The following EIF2AK1 variants were observed in gnomAD, a reference collection of about 807,000 sequenced individuals.
EIF2AK1 encodes eukaryotic translation initiation factor 2-alpha kinase 1.
EIF2AK1 carries 54 observed loss-of-function variants against 77.9 expected under a neutral mutation model. That is an observed-to-expected ratio of 0.69 (90% CI 0.56 to 0.87). The LOEUF (loss-of-function observed/expected upper bound fraction) is 0.87. Ranked by LOEUF, EIF2AK1 falls within the 40% of genes least tolerant of loss-of-function variation. The pLI is 0.00. For synonymous variants in EIF2AK1, 314 were observed against 290.5 expected (o/e 1.08, Z -0.82); for missense variants, 810 against 768.6 (o/e 1.05, Z -0.64).
chr7:6,058,951 G>C lies in EIF2AK1; in HGVS notation c.118+15C>G, dbSNP rs1018113666. The C allele has an allele frequency of 6.6e-7, 1 of 1,514,414 alleles. No individual in the cohort carries two copies. Among genetic ancestry groups the C allele is most frequent in the African/African-American group, 1.4e-5 (1 of 69,228 alleles). The allele number at this position is 1,514,414 out of a possible 1,614,324, so 93.8% of individuals were successfully genotyped here. ...AGAGAGAGCAGAGCGGCGACGCCGC[G>C]ATCCGATCCCTCACCGTCATATTCG... On this transcript the variant is annotated intron_variant, in intron 1 of 14. Coordinates refer to ENST00000199389, the MANE Select transcript of EIF2AK1 (RefSeq NM_014413.4).
chr7:6,049,617 C>T (rs1788546956), intron 3 of EIF2AK1, among the ~76,000 whole-genome samples: 2 of 147,162 alleles, frequency 1.4e-5, no homozygotes, highest in African/African-American at 2.5e-5. Flanking sequence ...CTCTCCTTTG[C>T]CTCTCCTCTC....
intron 2 of EIF2AK1, among the ~76,000 whole-genome samples, chr7:6,053,173 A>G (rs750704987): frequency 3.9e-5 from 6 of 152,134 alleles, no homozygotes; most frequent in Non-Finnish European, 8.8e-5. Context: ...CACAGCATTA[A>G]ACAACATATT....
intron 8 of EIF2AK1, 43 bp downstream of exon 8, chr7:6,042,890 G>A: frequency 1.3e-6 from 2 of 1,539,000 alleles, no homozygotes; most frequent in Non-Finnish European, 1.8e-6. Context: ...AAAGCCCAAT[G>A]CAGGTGACAA....
At chr7:6,049,869 A>C in intron 3 of EIF2AK1, 43 bp downstream of exon 3, 3 of 1,527,396 alleles carry the variant, frequency 2.0e-6, no homozygotes, top group Non-Finnish European at 2.7e-6. Context: ...TTAAAATTAA[A>C]GTATATTTTT....
At chr7:6,044,149 T>TAGAA (rs1583490975) in intron 7 of EIF2AK1, among the ~76,000 whole-genome samples, 1 of 151,846 alleles carries the variant, frequency 6.6e-6, no homozygotes, top group East Asian at 1.9e-4. Context: ...CAAAATCTTC[T>TAGAA]GATTTTGTTT....
intron 7 of EIF2AK1, 105 bp downstream of exon 7, chr7:6,044,457 C>G: frequency 1.1e-6 from 1 of 888,426 alleles, no homozygotes; most frequent in Non-Finnish European, 1.7e-6. Flanking sequence ...TATGTAAAAA[C>G]CATTCTCAGC....
chr7:6,052,291 A>C (rs898029194), intron 2 of EIF2AK1, among the ~76,000 whole-genome samples: 5 of 151,998 alleles, frequency 3.3e-5, no homozygotes, highest in Admixed American at 2.0e-4. Flanking sequence ...GTATTTTTCT[A>C]ATCTGCTTCT....
Position 6,043,193 on chromosome 7 carries a change from G to C in EIF2AK1, c.731-200C>G, listed in dbSNP as rs1409148707. On this transcript the variant is annotated intron_variant, in intron 7 of 14. Coordinates refer to ENST00000199389, the MANE Select transcript of EIF2AK1 (RefSeq NM_014413.4). Reference sequence around the variant, plus strand: ...AACAAAGCCATGCAACTATACGAGGGGTCAGCAAACAGCACAGAGGACTTG... The same window carrying C: ...AACAAAGCCATGCAACTATACGAGGCGTCAGCAAACAGCACAGAGGACTTG... Among the ~76,000 whole-genome samples the C allele has an allele frequency of 7.2e-5, 11 of 152,202 alleles. No homozygotes were observed. The East Asian group carries it at 2.1e-3, about 29-fold the overall frequency.
Position 6,058,982 on chromosome 7 carries a change from C to T in EIF2AK1, c.102G>A (p.Pro34=). Residue 34 remains proline (P), a synonymous_variant, in exon 1 of 15, where the codon CCG becomes CCA. Transcript: ENST00000199389. ...PPAIDFPAEG[P]DPEYDESDVP... is the part of the protein sequence containing the mutation. ...ATCCCTCACCGTCATATTCGGGGTC[C>T]GGGCCCTCGGCGGGAAAGTCGATGG... 6.5e-7 allele frequency: 1 copy of T among 1,540,476 alleles called. No individual in the cohort carries two copies. The highest frequency in any genetic ancestry group is 8.7e-7 in the Non-Finnish European group (1 of 1,146,638).
In EIF2AK1 at chr7:6,035,512, C is replaced by T. The variant is rs1788052110; in HGVS notation, c.1332+1912G>A. ...TGGCCAGTCACTTCCACCACGTGGG[C>T]AAAACCAGGCAACAGAACGCACAGG... On this transcript the variant is annotated intron_variant, in intron 11 of 14. Coordinates refer to ENST00000199389, the MANE Select transcript of EIF2AK1 (RefSeq NM_014413.4). The surrounding 1 kb of genome is among the most constrained non-coding windows in gnomAD (Gnocchi z 5.5). 1 of 1,551,180 alleles carries T rather than the reference C, an allele frequency of 6.4e-7. No homozygotes were observed.
rs1450549314 is a variant in EIF2AK1, at chr7:6,024,499, AG to A, written c.*173del. On this transcript the variant is annotated 3_prime_UTR_variant, in exon 15 of 15. Transcript: ENST00000199389. ...TGGTTAATATTTAGGTAGGAAATTC[AG>A]GAAAAGGAGCTTGTGGGGCAGGAAG... 3.5e-6 allele frequency: 5 copies of A among 1,424,034 alleles called. No individual in the cohort carries two copies. Among genetic ancestry groups the A allele is most frequent in the African/African-American group, 1.5e-5 (1 of 68,746 alleles). The allele number at this position is 1,424,034 out of a possible 1,614,324, so 88.2% of individuals were successfully genotyped here. A position where few individuals can be genotyped will look rare whatever the true frequency, so the allele number is the denominator to read the frequency against.
chr7:6,058,892 G>T, intron 1 of EIF2AK1, 74 bp downstream of exon 1: 1 of 1,358,130 alleles, frequency 7.4e-7, no homozygotes, highest in Non-Finnish European at 9.8e-7. Context: ...GCAAACCTCA[G>T]GGCTGCCTTT....
rs1429246247 is a variant in EIF2AK1 at position 6,035,622 on chromosome 7, A to G, written c.1332+1802T>C. 2 of 1,550,892 alleles carry G rather than the reference A, an allele frequency of 1.3e-6. No individual in the cohort carries two copies. The highest frequency in any genetic ancestry group is 4.9e-5 in the East Asian group (2 of 40,920). ...AGCTCAAGTGAACACTCAAGGGGAA[A>G]TCAGCAACAAACGTTCACCACTCCA... On this transcript the variant is annotated intron_variant, in intron 11 of 14. Transcript: ENST00000199389. This position sits in a 1 kb window ranked among gnomAD's most constrained non-coding sequence, Gnocchi z 5.5.
intron 3 of EIF2AK1, 86 bp downstream of exon 3, chr7:6,049,826 C>T (rs1788554227): frequency 7.4e-7 from 1 of 1,344,038 alleles, no homozygotes; most frequent in Non-Finnish European, 1.0e-6. Flanking sequence ...GTTTTATAAT[C>T]AGAATTTCAC....
At chr7:6,054,025 TCTG>T (rs1345220571) in intron 2 of EIF2AK1, among the ~76,000 whole-genome samples, 1 of 151,864 alleles carries the variant, frequency 6.6e-6, no homozygotes, top group Admixed American at 6.6e-5. Context: ...CTGTAGTCAC[TCTG>T]CTGTGCTATC....
chr7:6,023,573 G>C lies in EIF2AK1; in HGVS notation c.*1100C>G, dbSNP rs760716532. On this transcript the variant is annotated 3_prime_UTR_variant, in exon 15 of 15. Transcript: ENST00000199389. ...CTCACCGTAGCAGACGTGGTGCTGT[G>C]GTCTGTACTCCAGCAGATCGGAGGC... 1.2e-6 allele frequency: 2 copies of C among 1,614,220 alleles called. No individual in the cohort carries two copies. The highest frequency in any genetic ancestry group is 1.7e-6 in the Non-Finnish European group (2 of 1,180,040).
chr7:6,052,427 T>C (rs540691144), intron 2 of EIF2AK1, among the ~76,000 whole-genome samples: 26 of 151,864 alleles, frequency 1.7e-4, no homozygotes, highest in Admixed American at 4.6e-4. Context: ...AGTGTATTAT[T>C]TGCTTTATTC....
intron 14 of EIF2AK1, among the ~76,000 whole-genome samples, chr7:6,026,126 C>G (rs1787738809): frequency 6.6e-6 from 1 of 152,154 alleles, no homozygotes; most frequent in Non-Finnish European, 1.5e-5. Context: ...CCCCATCGGG[C>G]ACACTCTTCA....
chr7:6,047,081 C>A lies in EIF2AK1; in HGVS notation c.460G>T (p.Val154Leu). The A allele has an allele frequency of 8.7e-6, 14 of 1,612,934 alleles. No homozygotes were observed. The highest frequency in any genetic ancestry group is 1.2e-5 in the Non-Finnish European group (14 of 1,179,576). ...CGTGAAGTTTGTGCTTCCAAGGCTA[C>A]TTCCCTTGATCTGAAAGTTAAATAC... Reference protein sequence around the residue: ...SRIQKIRSREVALEAQTSRYL... With the variant: ...SRIQKIRSRELALEAQTSRYL... Residue 154 changes from valine (V) to leucine (L), a missense_variant, in exon 5 of 15, where the codon GTA becomes TTA. Val to Leu is a conservative substitution (Grantham distance 32). This residue lies in a region of EIF2AK1 where 246 missense variants were observed against 199.0 expected (regional missense o/e 1.24). Coordinates refer to ENST00000199389, the MANE Select transcript of EIF2AK1 (RefSeq NM_014413.4).
Sources: allele counts gnomAD v4.1 joint callset (sites outside exome capture counted in the v4.1 genomes callset), GRCh38; gene constraint gnomAD v4.1.1; regional missense constraint gnomAD v4.1.1; non-coding constraint Gnocchi (gnomAD v3.1); transcripts MANE v1.5; gene names NCBI Gene and HGNC (gene_info 2026-07-23, HGNC 2026-07-21).